The following SENP7 variants were observed in gnomAD, a reference collection of about 807,000 sequenced individuals.
The protein encoded by SENP7 is sentrin-specific protease 7.
Under a neutral mutation model 141.2 loss-of-function variants are expected in SENP7, and 64 were observed. The ratio of observed to expected loss-of-function variants is 0.45; its 90% CI spans 0.37 to 0.56. The LOEUF (loss-of-function observed/expected upper bound fraction) is 0.56. Among genes scored for constraint, SENP7 ranks in the 20% least tolerant of loss-of-function variants. SENP7 has a pLI of 0.00. For missense variants in SENP7, 1,025 were observed against 1,212.2 expected, an observed-to-expected ratio of 0.85 and a Z score of 2.29; for synonymous variants, 382 against 426.4, an observed-to-expected ratio of 0.90 and a Z score of 1.28.
chr3:101,361,671 G>T lies in SENP7; in HGVS notation c.1623+44C>A, dbSNP rs771504610. 6.8e-6 allele frequency: 10 copies of T among 1,478,812 alleles called. No homozygotes were observed. The East Asian group carries it at 2.2e-4, about 33-fold the overall frequency. The allele number at this position is 1,478,812 out of a possible 1,614,324, so 91.6% of individuals were successfully genotyped here. A position where few individuals can be genotyped will look rare whatever the true frequency, so the allele number is the denominator to read the frequency against. On this transcript the variant is annotated intron_variant, in intron 11 of 23. Transcript: ENST00000394095. ...AAAAGGAAAAAAATTAAAATGCCTTGTCCAAGATCCAAACTAAAAGAAAAT... is the reference window on the plus strand; with the variant it reads ...AAAAGGAAAAAAATTAAAATGCCTTTTCCAAGATCCAAACTAAAAGAAAAT...
chr3:101,425,145 C>T (rs2061919101), intron 4 of SENP7, among the ~76,000 whole-genome samples: 1 of 152,182 alleles, frequency 6.6e-6, no homozygotes, highest in South Asian at 2.1e-4. Context: ...CCTTTATCAA[C>T]AGCCTAAGAA....
At chr3:101,411,989 T>C (rs989852573) in intron 5 of SENP7, among the ~76,000 whole-genome samples, 1 of 152,156 alleles carries the variant, frequency 6.6e-6, no homozygotes, top group South Asian at 2.1e-4. Flanking sequence ...GACTCTTAGT[T>C]TTCTCAATTG....
chr3:101,338,398 C>T (rs1278262756), intron 16 of SENP7, among the ~76,000 whole-genome samples: 1 of 152,166 alleles, frequency 6.6e-6, no homozygotes, highest in East Asian at 1.9e-4. Context: ...TGATTCATCT[C>T]TAAATTCTTA....
intron 3 of SENP7, among the ~76,000 whole-genome samples, chr3:101,473,032 T>G (rs1340804918): frequency 6.6e-6 from 1 of 152,184 alleles, no homozygotes; most frequent in Non-Finnish European, 1.5e-5. Flanking sequence ...CCTCCATTAG[T>G]TTGCTAAGGA....
chr3:101,338,559 G>T lies in SENP7; in HGVS notation c.2358-928C>A, dbSNP rs115627625. 3.3e-3 allele frequency among the ~76,000 whole-genome samples: 507 copies of T among 152,262 alleles called. 1 individual carries two copies. Among genetic ancestry groups the T allele is most frequent in the African/African-American group, 0.012 (485 of 41,538 alleles). ...TTGTTTTTTAAAAATGGAGTAGCTAGAGTTTGCAGATCAGAATACTGGAAA... is the reference window on the plus strand; with the variant it reads ...TTGTTTTTTAAAAATGGAGTAGCTATAGTTTGCAGATCAGAATACTGGAAA... On this transcript the variant is annotated intron_variant, in intron 16 of 23. Coordinates refer to ENST00000394095, the MANE Select transcript of SENP7 (RefSeq NM_020654.5).
chr3:101,476,982 G>A (rs2064244832), intron 3 of SENP7, among the ~76,000 whole-genome samples: 1 of 152,074 alleles, frequency 6.6e-6, no homozygotes, highest in Non-Finnish European at 1.5e-5. Flanking sequence ...TAAGTTCCTT[G>A]TAGATTCTGG....
intron 4 of SENP7, among the ~76,000 whole-genome samples, chr3:101,443,270 C>T (rs952348236): frequency 7.2e-5 from 11 of 152,240 alleles, no homozygotes; most frequent in South Asian, 2.1e-4. Flanking sequence ...AGATATGCGG[C>T]GTTATTTCCG....
chr3:101,329,775 T>TAAAAA (rs762298259), intron 20 of SENP7, among the ~76,000 whole-genome samples: 16 of 100,470 alleles, frequency 1.6e-4, no homozygotes, highest in Admixed American at 5.5e-4. Context: ...CCATCTCTAC[T>TAAAAA]AAAAAAAAAA....
In SENP7 at chr3:101,368,058, G is replaced by T. The variant is rs754992901; in HGVS notation, c.797-47C>A. ...AAATATGGACAAAAAAGTATAGAGA[G>T]AATCTCTTTTAGAAAAGCTCGAAGT... is the stretch of plus-strand genomic sequence containing the variant. On this transcript the variant is annotated intron_variant, in intron 7 of 23. Coordinates refer to ENST00000394095, the MANE Select transcript of SENP7 (RefSeq NM_020654.5). The T allele has an allele frequency of 8.9e-6, 13 of 1,459,968 alleles. No homozygotes were observed. In the East Asian group the frequency reaches 1.4e-4, roughly 16 times the overall value. The allele number at this position is 1,459,968 out of a possible 1,614,324, so 90.4% of individuals were successfully genotyped here. A position where few individuals can be genotyped will look rare whatever the true frequency, so the allele number is the denominator to read the frequency against.
At chr3:101,361,120 G>A (rs2059886936) in intron 11 of SENP7, among the ~76,000 whole-genome samples, 2 of 151,772 alleles carry the variant, frequency 1.3e-5, no homozygotes, top group South Asian at 2.1e-4. Flanking sequence ...CACAAGAATC[G>A]CTTGAATACA....
intron 2 of SENP7, among the ~76,000 whole-genome samples, chr3:101,498,444 A>G (rs2065244074): frequency 6.6e-6 from 1 of 152,192 alleles, no homozygotes; most frequent in South Asian, 2.1e-4. Context: ...ATTCCTCCCA[A>G]AAAGTCATAA....
chr3:101,423,997 G>A (rs1443151011), intron 4 of SENP7, among the ~76,000 whole-genome samples: 1 of 152,158 alleles, frequency 6.6e-6, no homozygotes, highest in Non-Finnish European at 1.5e-5. Flanking sequence ...CATGGCCAGT[G>A]AGGGCCATCC....
chr3:101,463,013 C>T (rs547013132), intron 3 of SENP7, among the ~76,000 whole-genome samples: 1 of 152,032 alleles, frequency 6.6e-6, no homozygotes, highest in South Asian at 2.1e-4. Flanking sequence ...CACATACTGA[C>T]AACAGACTCA....
chr3:101,454,946 C>G, intron 4 of SENP7, among the ~76,000 whole-genome samples: 1 of 152,120 alleles, frequency 6.6e-6, no homozygotes, highest in East Asian at 1.9e-4. Flanking sequence ...TGTAAATATA[C>G]TAAAAATTAT....
chr3:101,508,986 A>G (rs1446412886), intron 1 of SENP7, among the ~76,000 whole-genome samples: 1 of 152,132 alleles, frequency 6.6e-6, no homozygotes, highest in Non-Finnish European at 1.5e-5. Flanking sequence ...CAAAACTGCA[A>G]TATCTTTAGC....
rs1432223629 is a variant in SENP7, at chr3:101,367,953, A to G, written c.855T>C (p.Asp285=). The G allele has an allele frequency of 1.2e-6, 2 of 1,613,212 alleles. No homozygotes were observed. The highest frequency in any genetic ancestry group is 3.3e-5 in the Admixed American group (2 of 59,968). ...DHLEQESRNK[D]VKYSDSKVEL... The stretch of plus-strand genomic sequence containing the variant: ...CCACTTTTGAATCAGAATATTTAAC[A>G]TCCTTGTTTCTGCTTTCCTGTTCGA... Residue 285 remains aspartate (D), a synonymous_variant, in exon 8 of 24, where the codon GAT becomes GAC. Transcript: ENST00000394095.
chr3:101,332,165 A>G lies in SENP7; in HGVS notation c.2574-56T>C, dbSNP rs979564599. ...ATGCAAAGTCTAAACAACATATAAT[A>G]TATTCTAGAGATACATCTGAGAAAG... is the stretch of plus-strand genomic sequence containing the variant. On this transcript the variant is annotated intron_variant, in intron 18 of 23. Coordinates refer to ENST00000394095, the MANE Select transcript of SENP7 (RefSeq NM_020654.5). 3.3e-6 allele frequency: 5 copies of G among 1,531,012 alleles called. No individual in the cohort carries two copies. The African/African-American group carries it at 5.5e-5, about 17-fold the overall frequency. 94.8% of individuals were successfully genotyped at this position (1,531,012 alleles called of 1,614,324 possible).
At chr3:101,479,802 CAAAA>C (rs756242957) in intron 3 of SENP7, among the ~76,000 whole-genome samples, 1 of 85,838 alleles carries the variant, frequency 1.2e-5, no homozygotes, top group Non-Finnish European at 2.3e-5. Flanking sequence ...GAGACTCTGT[CAAAA>C]AAAAAAAAAA....
intron 3 of SENP7, among the ~76,000 whole-genome samples, chr3:101,472,218 C>T (rs963405838): frequency 6.6e-6 from 1 of 152,212 alleles, no homozygotes; most frequent in African/African-American, 2.4e-5. Context: ...TTTATTGCAG[C>T]ACTATCCACA....
Sources: allele counts gnomAD v4.1 joint callset (sites outside exome capture counted in the v4.1 genomes callset), GRCh38; gene constraint gnomAD v4.1.1; transcripts MANE v1.5; gene names NCBI Gene and HGNC (gene_info 2026-07-23, HGNC 2026-07-21).